The following BRINP2 variants were observed in gnomAD, a reference collection of about 807,000 sequenced individuals.
The protein encoded by BRINP2 is BMP/retinoic acid inducible neural specific 2.
Under a neutral mutation model 69.2 loss-of-function variants are expected in BRINP2, and 21 were observed. The observed-to-expected ratio is 0.30, with a 90% CI of 0.22 to 0.44. The LOEUF (loss-of-function observed/expected upper bound fraction) is 0.44. Ranked by LOEUF, BRINP2 falls within the 20% of genes least tolerant of loss-of-function variation. BRINP2 has a pLI of 1.00. For synonymous variants in BRINP2, 380 were observed against 394.1 expected, an observed-to-expected ratio of 0.96 and a Z score of 0.42; for missense variants, 877 against 986.0, an observed-to-expected ratio of 0.89 and a Z score of 1.48.
intron 5 of BRINP2, chr1:177,275,062 T>C: frequency 2.2e-6 from 1 of 452,974 alleles, no homozygotes; most frequent in African/African-American, 2.0e-5. Flanking sequence ...GTTCTCATAT[T>C]CCTCACTTTC....
intron 4 of BRINP2, among the ~76,000 whole-genome samples, chr1:177,266,299 C>T (rs933342829): frequency 6.6e-6 from 1 of 152,136 alleles, no homozygotes; most frequent in Non-Finnish European, 1.5e-5. Context: ...CTGCTCTACT[C>T]TTCACCTTCC....
intron 1 of BRINP2, among the ~76,000 whole-genome samples, chr1:177,187,056 A>T (rs1648448183): frequency 6.6e-6 from 1 of 152,122 alleles, no homozygotes; most frequent in Admixed American, 6.5e-5. Flanking sequence ...TGAGGAGGGG[A>T]AGTGACAGGA....
intron 1 of BRINP2, among the ~76,000 whole-genome samples, chr1:177,208,190 T>C (rs995228709): frequency 2.6e-5 from 4 of 152,218 alleles, no homozygotes; most frequent in African/African-American, 9.6e-5. Flanking sequence ...AAGAGCAATG[T>C]CTGACACCCA....
intron 1 of BRINP2, among the ~76,000 whole-genome samples, chr1:177,191,097 T>C (rs1648583618): frequency 1.3e-5 from 2 of 152,170 alleles, no homozygotes; most frequent in Non-Finnish European, 2.9e-5. Flanking sequence ...AAGTATGATG[T>C]CTTTATTAGC....
chr1:177,249,658 A>G (rs1650518329), intron 2 of BRINP2, among the ~76,000 whole-genome samples: 1 of 152,232 alleles, frequency 6.6e-6, no homozygotes, highest in Admixed American at 6.5e-5. Flanking sequence ...ATTGATATAT[A>G]GAAAACATCC....
intron 1 of BRINP2, among the ~76,000 whole-genome samples, chr1:177,222,557 C>A (rs1649569135): frequency 6.6e-6 from 1 of 152,074 alleles, no homozygotes; most frequent in South Asian, 2.1e-4. Context: ...GGTGATCCAC[C>A]CACCTCAACC....
chr1:177,190,732 G>A (rs1337025316), intron 1 of BRINP2, among the ~76,000 whole-genome samples: 1 of 152,130 alleles, frequency 6.6e-6, no homozygotes, highest in African/African-American at 2.4e-5. Flanking sequence ...TACACAGTTG[G>A]GTATGGTTAA....
Position 177,280,697 on chromosome 1 carries a change from A to C in BRINP2, c.1521A>C (p.Thr507=). 2 of 1,614,260 alleles carry C rather than the reference A, an allele frequency of 1.2e-6. No homozygotes were observed. Among genetic ancestry groups the C allele is most frequent in the Non-Finnish European group, 1.7e-6 (2 of 1,180,046 alleles). Residue 507 remains threonine, a synonymous_variant, in exon 8 of 8, where the codon ACA becomes ACC. Coordinates refer to ENST00000361539, the MANE Select transcript of BRINP2 (RefSeq NM_021165.4). ...ESLENFLGLE[T]DLQDLELKYL... ...TGGAAAACTTTCTTGGGCTGGAGAC[A>C]GACTTGCAGGACCTGGAGCTAAAGT...
chr1:177,257,377 C>T lies in BRINP2; in HGVS notation c.662C>T (p.Ala221Val). Residue 221 changes from alanine (A) to valine (V), a missense_variant, in exon 4 of 8, where the codon GCC (alanine) becomes GTC (valine). By Grantham distance (64) the Ala-to-Val change is moderately conservative. This residue lies in a region of BRINP2 where 566 missense variants were observed against 625.2 expected (regional missense o/e 0.91). Transcript: ENST00000361539. ...CACCATATCCAGATAGCCACGGGGG[C>T]CATCAAGGTAATGACCTGAGAGGTA... ...RLHHIQIATGAIKVTETRTGP... is the reference protein window; with the variant it reads ...RLHHIQIATGVIKVTETRTGP... 1.9e-6 allele frequency: 3 copies of T among 1,608,726 alleles called. No individual in the cohort carries two copies. The highest frequency in any genetic ancestry group is 1.1e-5 in the South Asian group (1 of 90,568).
chr1:177,209,723 A>G (rs1173487759), intron 1 of BRINP2, among the ~76,000 whole-genome samples: 1 of 152,180 alleles, frequency 6.6e-6, no homozygotes, highest in Non-Finnish European at 1.5e-5. Flanking sequence ...AAGAACAGCT[A>G]ACACTCAGGT....
chr1:177,259,150 T>A (rs1650861246), intron 4 of BRINP2, among the ~76,000 whole-genome samples: 2 of 152,082 alleles, frequency 1.3e-5, no homozygotes. Context: ...GTCCGGTGAA[T>A]ACAAGAATGA....
chr1:177,240,899 C>G (rs6670995), intron 2 of BRINP2, among the ~76,000 whole-genome samples: 1,914 of 152,236 alleles, frequency 0.013, 33 homozygotes, highest in African/African-American at 0.045. Flanking sequence ...GACAACCAGT[C>G]TGCAGACAGT....
intron 2 of BRINP2, among the ~76,000 whole-genome samples, chr1:177,235,546 G>C (rs1441707238): frequency 6.6e-6 from 1 of 152,190 alleles, no homozygotes; most frequent in Non-Finnish European, 1.5e-5. Flanking sequence ...CCGGGAGATG[G>C]GGAAGTGAGG....
chr1:177,260,151 T>C (rs1650899377), intron 4 of BRINP2, among the ~76,000 whole-genome samples: 1 of 152,212 alleles, frequency 6.6e-6, no homozygotes, highest in Admixed American at 6.5e-5. Flanking sequence ...GAGAAGTTGA[T>C]TCCAACCCTC....
chr1:177,257,489 A>G, intron 4 of BRINP2, 105 bp downstream of exon 4: 2 of 1,108,662 alleles, frequency 1.8e-6, no homozygotes, highest in Non-Finnish European at 2.5e-6. Flanking sequence ...GACTGATGGA[A>G]GAGGAAAAGA....
At chr1:177,184,794 G>C (rs984191636) in intron 1 of BRINP2, among the ~76,000 whole-genome samples, 1 of 151,988 alleles carries the variant, frequency 6.6e-6, no homozygotes, top group African/African-American at 2.4e-5. Flanking sequence ...ATTAAAATAT[G>C]GGTTACTAGA....
chr1:177,212,471 G>T (rs991576156), intron 1 of BRINP2, among the ~76,000 whole-genome samples: 4 of 152,090 alleles, frequency 2.6e-5, no homozygotes, highest in Non-Finnish European at 5.9e-5. Flanking sequence ...TGTGAACCCA[G>T]GAGGCGGAGC....
chr1:177,232,950 A>C (rs1649908979), intron 2 of BRINP2, among the ~76,000 whole-genome samples: 1 of 152,202 alleles, frequency 6.6e-6, no homozygotes, highest in African/African-American at 2.4e-5. Context: ...GTGGTAGAGA[A>C]TAATAAACCT....
chr1:177,244,848 A>G (rs1269886559), intron 2 of BRINP2, among the ~76,000 whole-genome samples: 1 of 152,150 alleles, frequency 6.6e-6, no homozygotes, highest in Non-Finnish European at 1.5e-5. Context: ...GAGAGTAGAA[A>G]TATGCAGTAT....
Sources: gnomAD v4.1 joint callset for allele counts (sites outside exome capture counted in the v4.1 genomes callset) on GRCh38, gnomAD v4.1.1 for gene constraint, gnomAD v4.1.1 regional missense constraint, MANE v1.5 for transcripts, NCBI Gene and HGNC (gene_info 2026-07-23, HGNC 2026-07-21) for gene names.